The following MECOM variants were observed in gnomAD, a reference collection of about 807,000 sequenced individuals.
The protein encoded by MECOM is histone-lysine N-methyltransferase MECOM.
MECOM carries 13 observed loss-of-function variants against 116.3 expected under a neutral mutation model. The observed-to-expected ratio is 0.11, with a 90% CI of 0.07 to 0.18. MECOM has a LOEUF of 0.18. Among genes scored for constraint, MECOM ranks in the 10% least tolerant of loss-of-function variants. The pLI, the probability that MECOM is intolerant of heterozygous loss-of-function variation, is 1.00. For synonymous variants in MECOM, 528 were observed against 535.2 expected (o/e 0.99, Z 0.19); for missense variants, 1,299 against 1,509.0 (o/e 0.86, Z 2.31).
At chr3:169,322,896 G>A (rs917524757) in intron 2 of MECOM, among the ~76,000 whole-genome samples, 16 of 131,904 alleles carry the variant, frequency 1.2e-4, no homozygotes, top group Non-Finnish European at 4.7e-5. Flanking sequence ...TACGTGGGAG[G>A]CTGAGGCAGG....
At chr3:169,345,136 G>A (rs1186869720) in intron 2 of MECOM, among the ~76,000 whole-genome samples, 1 of 151,984 alleles carries the variant, frequency 6.6e-6, no homozygotes, top group East Asian at 1.9e-4. Flanking sequence ...CAGCTGTAAG[G>A]GACCTGCATC....
chr3:169,101,643 T>C (rs761888099), intron 11 of MECOM, among the ~76,000 whole-genome samples: 29 of 152,142 alleles, frequency 1.9e-4, no homozygotes, highest in Non-Finnish European at 4.1e-4. Context: ...AAAAATTTAC[T>C]AGCTAGTTTT....
In MECOM at chr3:169,217,946, G is replaced by A. The variant is rs539121984; in HGVS notation, c.376-74114C>T. ...AAACATAATCAGAATTTACAACATGGCCTTGACAACAATTTTATTATACAT... is the reference window on the plus strand; with the variant it reads ...AAACATAATCAGAATTTACAACATGACCTTGACAACAATTTTATTATACAT... On this transcript the variant is annotated intron_variant, in intron 2 of 16. Coordinates refer to ENST00000651503, the MANE Select transcript of MECOM (RefSeq NM_004991.4). Among the ~76,000 whole-genome samples, 12 of 150,906 alleles carry A rather than the reference G, an allele frequency of 8.0e-5. No homozygotes were observed. The South Asian group carries it at 2.3e-3, about 29-fold the overall frequency.
chr3:169,423,135 A>G (rs1740045355), intron 1 of MECOM, among the ~76,000 whole-genome samples: 1 of 152,078 alleles, frequency 6.6e-6, no homozygotes, highest in Non-Finnish European at 1.5e-5. Context: ...ATAAGCTCCT[A>G]GGAGATTCTA....
rs1324105569 is a variant in MECOM, at chr3:169,586,918, T to C, written c.37+76418A>G. Among the ~76,000 whole-genome samples, 6 of 152,226 alleles carry C rather than the reference T, an allele frequency of 3.9e-5. No individual in the cohort carries two copies. In the East Asian group the frequency reaches 9.6e-4, roughly 24 times the overall value. ...AGTGCTGGCATATCTGTAGTAATCG[T>C]AGAAGAAGTAATCATAGTACTGGTA... On this transcript the variant is annotated intron_variant, in intron 1 of 16. Coordinates refer to ENST00000651503, the MANE Select transcript of MECOM (RefSeq NM_004991.4).
At chr3:169,505,670 T>G (rs764891769) in intron 1 of MECOM, among the ~76,000 whole-genome samples, 3 of 152,196 alleles carry the variant, frequency 2.0e-5, no homozygotes, top group African/African-American at 7.2e-5. Flanking sequence ...GTCCACTGGA[T>G]CTCCAGAACT....
rs1268439137 is a variant in MECOM at position 169,183,868 on chromosome 3, C to CT, written c.376-40037dup. Among the ~76,000 whole-genome samples the CT allele has an allele frequency of 1.0e-2, 1,187 of 119,012 alleles. 29 individuals carry two copies. Among genetic ancestry groups the CT allele is most frequent in the South Asian group, 0.022 (62 of 2,790 alleles). 78.1% of individuals were successfully genotyped at this position (119,012 alleles called of 152,430 possible). ...CATATTTTTTTCTTTTTTCTTTTTT[C>CT]TCTTTTTTTTTAGTGAGACGGAGTC... On this transcript the variant is annotated intron_variant, in intron 2 of 16. Transcript: ENST00000651503.
intron 1 of MECOM, among the ~76,000 whole-genome samples, chr3:169,481,547 T>C (rs549569572): frequency 6.6e-6 from 1 of 152,004 alleles, no homozygotes; most frequent in Admixed American, 6.6e-5. Context: ...AGCAAGACTC[T>C]ATCTCAAATA....
chr3:169,248,625 A>G (rs910963152), intron 2 of MECOM, among the ~76,000 whole-genome samples: 5 of 152,220 alleles, frequency 3.3e-5, no homozygotes, highest in Admixed American at 2.0e-4. Flanking sequence ...CTAACACCCA[A>G]TGCCTGAGAA....
intron 1 of MECOM, among the ~76,000 whole-genome samples, chr3:169,411,545 G>A (rs1025671589): frequency 2.6e-5 from 4 of 152,150 alleles, no homozygotes; most frequent in East Asian, 1.9e-4. Context: ...GTTTCCTGAC[G>A]TCCGCACTCT....
chr3:169,111,898 TC>T (rs1192636021), intron 9 of MECOM, among the ~76,000 whole-genome samples: 1 of 151,614 alleles, frequency 6.6e-6, no homozygotes, highest in Non-Finnish European at 1.5e-5. Flanking sequence ...TGCATAAACT[TC>T]CCCTGATTTT....
At chr3:169,602,480 A>T (rs1306968662) in intron 1 of MECOM, among the ~76,000 whole-genome samples, 1 of 152,168 alleles carries the variant, frequency 6.6e-6, no homozygotes, top group African/African-American at 2.4e-5. Flanking sequence ...CACTATTGGC[A>T]TTTTGGCCCA....
At chr3:169,654,686 T>C (rs1232573098) in intron 1 of MECOM, among the ~76,000 whole-genome samples, 1 of 152,176 alleles carries the variant, frequency 6.6e-6, no homozygotes, top group African/African-American at 2.4e-5. Flanking sequence ...CTTCAGTTTA[T>C]TTTCTTAAGC....
At chr3:169,091,049 C>T (rs1477761773) in intron 14 of MECOM, among the ~76,000 whole-genome samples, 1 of 152,032 alleles carries the variant, frequency 6.6e-6, no homozygotes, top group African/African-American at 2.4e-5. Context: ...AAAGTCATAT[C>T]ATTATTAAGC....
chr3:169,324,676 G>C (rs574115841), intron 2 of MECOM, among the ~76,000 whole-genome samples: 2 of 152,208 alleles, frequency 1.3e-5, no homozygotes, highest in South Asian at 2.1e-4. Context: ...ACTGTCTTCC[G>C]TGTCACCTTA....
chr3:169,549,686 T>C (rs560482956), intron 1 of MECOM, among the ~76,000 whole-genome samples: 29 of 152,302 alleles, frequency 1.9e-4, no homozygotes, highest in Middle Eastern at 6.8e-3. Context: ...AAAGATTACA[T>C]GTCATTTTTT....
At chr3:169,348,758 A>G (rs1725800878) in intron 2 of MECOM, among the ~76,000 whole-genome samples, 1 of 152,060 alleles carries the variant, frequency 6.6e-6, no homozygotes, top group Non-Finnish European at 1.5e-5. Context: ...ATTTGCAATC[A>G]TTTCAAAAAA....
chr3:169,519,182 C>G (rs888631562), intron 1 of MECOM, among the ~76,000 whole-genome samples: 2 of 152,134 alleles, frequency 1.3e-5, no homozygotes, highest in African/African-American at 2.4e-5. Context: ...AATATTTGTC[C>G]AGTTTGAAAA....
intron 2 of MECOM, among the ~76,000 whole-genome samples, chr3:169,326,713 T>G (rs972259758): frequency 1.3e-5 from 2 of 152,228 alleles, no homozygotes; most frequent in African/African-American, 4.8e-5. Context: ...TTTTACCACC[T>G]TCAAACGGAC....
Sources: gnomAD v4.1 joint callset for allele counts (sites outside exome capture counted in the v4.1 genomes callset) on GRCh38, gnomAD v4.1.1 for gene constraint, MANE v1.5 for transcripts, NCBI Gene and HGNC (gene_info 2026-07-23, HGNC 2026-07-21) for gene names.